The following FAM13A variants were observed in gnomAD, a reference collection of about 807,000 sequenced individuals.
FAM13A encodes family with sequence similarity 13 member A.
In FAM13A, 76 loss-of-function variants were observed where a neutral mutation model predicts 129.6. The ratio of observed to expected loss-of-function variants is 0.59; its 90% CI spans 0.49 to 0.71. FAM13A has a LOEUF of 0.71. Among genes scored for constraint, FAM13A ranks in the 30% least tolerant of loss-of-function variants. FAM13A has a pLI of 0.00. For missense variants in FAM13A, 1,108 were observed against 1,249.3 expected (o/e 0.89, Z 1.70); for synonymous variants, 443 against 449.9 (o/e 0.98, Z 0.20).
chr4:88,791,995 C>T (rs1725268215), intron 8 of FAM13A, among the ~76,000 whole-genome samples: 1 of 151,932 alleles, frequency 6.6e-6, no homozygotes, highest in African/African-American at 2.4e-5. Flanking sequence ...TTTGTTATGG[C>T]CACAGACAAA....
chr4:88,817,546 G>C (rs1731001723), intron 7 of FAM13A, among the ~76,000 whole-genome samples: 1 of 150,780 alleles, frequency 6.6e-6, no homozygotes, highest in Non-Finnish European at 1.5e-5. Context: ...CTAGGGGACA[G>C]AGCAAGACTC....
intron 4 of FAM13A, among the ~76,000 whole-genome samples, chr4:88,952,380 G>T (rs1489950287): frequency 6.6e-6 from 1 of 151,982 alleles, no homozygotes; most frequent in Non-Finnish European, 1.5e-5. Flanking sequence ...TCTCAGTGGG[G>T]TTGCATAATG....
intron 23 of FAM13A, chr4:88,729,697 C>G (rs1737216335): frequency 6.6e-6 from 1 of 152,172 alleles, no homozygotes; most frequent in South Asian, 2.1e-4. Context: ...TCTCCTAAGT[C>G]CCTCATAGTT....
At chr4:88,916,046 AAAGAAG>A (rs550505321) in intron 5 of FAM13A, among the ~76,000 whole-genome samples, 1 of 152,244 alleles carries the variant, frequency 6.6e-6, no homozygotes, top group Admixed American at 6.5e-5. Context: ...AAATTAAAAA[AAAGAAG>A]AAGAAGAGGA....
At chr4:89,023,671 T>C (rs1267398075) in intron 2 of FAM13A, among the ~76,000 whole-genome samples, 3 of 152,194 alleles carry the variant, frequency 2.0e-5, no homozygotes, top group Non-Finnish European at 4.4e-5. Flanking sequence ...CTCTGTCCCA[T>C]TTATCTGAAC....
chr4:88,729,421 A>T (rs1737153946), intron 23 of FAM13A: 1 of 152,244 alleles, frequency 6.6e-6, no homozygotes. Flanking sequence ...CATGGCAAAC[A>T]TTCAACCATA....
chr4:88,763,909 T>C (rs2149528121), intron 13 of FAM13A, among the ~76,000 whole-genome samples: 1 of 152,358 alleles, frequency 6.6e-6, no homozygotes, highest in African/African-American at 2.4e-5. Flanking sequence ...ATTGGATTGA[T>C]TTGGAAGCGA....
chr4:88,883,149 C>T (rs1275236504), intron 6 of FAM13A, among the ~76,000 whole-genome samples: 1 of 152,000 alleles, frequency 6.6e-6, no homozygotes, highest in African/African-American at 2.4e-5. Context: ...TAAACTATAC[C>T]TTAAAACAAA....
In FAM13A at chr4:88,822,899, A is replaced by T. The variant is rs1184280300; in HGVS notation, c.1008-17847T>A. 5.7e-6 allele frequency: 9 copies of T among 1,573,394 alleles called. No homozygotes were observed. In the African/African-American group the frequency reaches 9.5e-5, roughly 17 times the overall value. ...TTGCAGCATGTTACTAAAAGATGCC[A>T]AGTACTGGCAAAGTTATATGGCTTG... On this transcript the variant is annotated intron_variant, in intron 7 of 23. Transcript: ENST00000264344.
At chr4:88,983,426 G>A (rs995992200) in intron 4 of FAM13A, among the ~76,000 whole-genome samples, 7 of 151,930 alleles carry the variant, frequency 4.6e-5, no homozygotes, top group Admixed American at 4.6e-4. Context: ...AAAGACAGAT[G>A]GCCCTTAAAC....
Position 88,739,612 on chromosome 4 carries a change from TA to T in FAM13A, c.2467-488del, listed in dbSNP as rs35262808. Among the ~76,000 whole-genome samples, 29 of 100,916 alleles carry T rather than the reference TA, an allele frequency of 2.9e-4. 1 individual carries two copies. Among genetic ancestry groups the T allele is most frequent in the African/African-American group, 9.9e-4 (25 of 25,326 alleles). 66.2% of individuals were successfully genotyped at this position (100,916 alleles called of 152,430 possible). ...CAACATGGTGAAACCCCGTCTCTAC[TA>T]AAAAATACAAAAAAAAAAAAAAAAA... On this transcript the variant is annotated intron_variant, in intron 19 of 23. Coordinates refer to ENST00000264344, the MANE Select transcript of FAM13A (RefSeq NM_014883.4).
At chr4:88,932,080 G>A (rs1561371068) in intron 5 of FAM13A, among the ~76,000 whole-genome samples, 1 of 152,186 alleles carries the variant, frequency 6.6e-6, no homozygotes, top group African/African-American at 2.4e-5. Flanking sequence ...CTACTTTCCT[G>A]ACACTGACAC....
chr4:88,865,785 T>C (rs1363714252), intron 6 of FAM13A, among the ~76,000 whole-genome samples: 1 of 151,640 alleles, frequency 6.6e-6, no homozygotes, highest in Non-Finnish European at 1.5e-5. Flanking sequence ...CTGACAAAAA[T>C]AGATGGTACG....
chr4:88,995,073 T>TGTATATTTGTTGCACACACGCAC lies in FAM13A; in HGVS notation c.428-3924_428-3923insGTGCGTGTGTGCAACAAATATAC, dbSNP rs1560709460. ...TATGTATATTTGTTGCACACACGCA[T>TGTATATTTGTTGCACACACGCAC]CCAAAATGTATATTTGTTGCACACA... On this transcript the variant is annotated intron_variant, in intron 3 of 23. Coordinates refer to ENST00000264344, the MANE Select transcript of FAM13A (RefSeq NM_014883.4). 9.9e-5 allele frequency among the ~76,000 whole-genome samples: 15 copies of TGTATATTTGTTGCACACACGCAC among 150,856 alleles called. No homozygotes were observed. The East Asian group carries it at 2.6e-3, about 26-fold the overall frequency.
chr4:88,910,468 C>T (rs1320830650), intron 5 of FAM13A, among the ~76,000 whole-genome samples: 1 of 152,046 alleles, frequency 6.6e-6, no homozygotes, highest in Non-Finnish European at 1.5e-5. Flanking sequence ...AAGGTTTGGT[C>T]CCTTGTTTCA....
chr4:88,775,064 G>T (rs1721406807), intron 11 of FAM13A, among the ~76,000 whole-genome samples: 3 of 152,166 alleles, frequency 2.0e-5, no homozygotes, highest in South Asian at 4.1e-4. Context: ...ATAGAGAAGA[G>T]ATATGAGACA....
At chr4:88,792,941 G>T (rs1337839667) in intron 8 of FAM13A, among the ~76,000 whole-genome samples, 1 of 151,996 alleles carries the variant, frequency 6.6e-6, no homozygotes, top group Non-Finnish European at 1.5e-5. Flanking sequence ...GAGGTTCTGA[G>T]ATTTCTAACT....
chr4:89,040,036 GAC>G (rs1317253295), intron 1 of FAM13A, among the ~76,000 whole-genome samples: 3 of 151,468 alleles, frequency 2.0e-5, no homozygotes, highest in Non-Finnish European at 2.9e-5. Flanking sequence ...TTGGATATTA[GAC>G]AGTGTAACTT....
chr4:89,031,296 A>T lies in FAM13A; in HGVS notation c.28-1647T>A, dbSNP rs781757253. Among the ~76,000 whole-genome samples, 5 of 152,304 alleles carry T rather than the reference A, an allele frequency of 3.3e-5. No homozygotes were observed. The East Asian group carries it at 9.6e-4, about 29-fold the overall frequency. Reference sequence around the variant, plus strand: ...AAAAAAATTTCAGTGTAGCATTAAAAACAGCTGACAGTGAAGTTAAATTAT... The same window carrying T: ...AAAAAAATTTCAGTGTAGCATTAAATACAGCTGACAGTGAAGTTAAATTAT... On this transcript the variant is annotated intron_variant, in intron 1 of 23. Transcript: ENST00000264344.
Sources: gnomAD v4.1 joint callset for allele counts (sites outside exome capture counted in the v4.1 genomes callset) on GRCh38, gnomAD v4.1.1 for gene constraint, MANE v1.5 for transcripts, NCBI Gene and HGNC (gene_info 2026-07-23, HGNC 2026-07-21) for gene names.